The following CGNL1 variants were observed in gnomAD, a reference collection of about 807,000 sequenced individuals.
CGNL1 encodes the protein cingulin like 1.
CGNL1 carries 132 observed loss-of-function variants against 141.2 expected under a neutral mutation model. The ratio of observed to expected loss-of-function variants is 0.93; its 90% CI spans 0.81 to 1.08. The LOEUF is 1.08. Among genes scored for constraint, CGNL1 ranks in the 50% least tolerant of loss-of-function variants. The probability of loss-of-function intolerance (pLI) is 0.00; values close to 1 mark genes in which losing one functional copy is unlikely to be tolerated. For missense variants in CGNL1, 1,870 were observed against 1,588.6 expected, an observed-to-expected ratio of 1.18 and a Z score of -3.01; for synonymous variants, 690 against 622.1, an observed-to-expected ratio of 1.11 and a Z score of -1.63.
At position 57,452,161 on chromosome 15, in the gene CGNL1, A is replaced by T. The variant is rs1253874223; in HGVS notation, c.1926A>T (p.Glu642Asp). The change falls in exon 6 of 19, where the codon GAA (glutamate) becomes GAT (aspartate). Residue 642 changes from glutamate (E) to aspartate (D), a missense_variant. Glu to Asp is a conservative substitution (Grantham distance 45). Transcript: ENST00000281282. ...GTTAGAATCAACAGAACATTAAAGA[A>T]GAGAGAGAGAGGATGAGAGCAAACC... ...LEVKNQQNIK[E>D]ERERMRANLE... 6.9e-6 allele frequency: 11 copies of T among 1,583,702 alleles called. No homozygotes were observed. The highest frequency in any genetic ancestry group is 9.5e-6 in the Non-Finnish European group (11 of 1,160,730).
intron 1 of CGNL1, among the ~76,000 whole-genome samples, chr15:57,413,816 G>A (rs1309101272): frequency 4.6e-5 from 7 of 152,140 alleles, no homozygotes; most frequent in South Asian, 2.1e-4. Flanking sequence ...CATCGGGCAC[G>A]CTTGGCTGCC....
chr15:57,486,949 G>A (rs1486047497), intron 8 of CGNL1, among the ~76,000 whole-genome samples: 1 of 152,198 alleles, frequency 6.6e-6, no homozygotes, highest in African/African-American at 2.4e-5. Flanking sequence ...CACAATAATT[G>A]TAGACCTGGC....
chr15:57,524,617 C>T lies in CGNL1; in HGVS notation c.2905C>T (p.Leu969=), dbSNP rs1239053853. Residue 969 remains leucine, a synonymous_variant, in exon 12 of 19, where the codon CTG becomes TTG. Coordinates refer to ENST00000281282, the MANE Select transcript of CGNL1 (RefSeq NM_032866.5). ...TGTTGAGGCCTCCCGTACCTCAACC[C>T]TGGAGCTCCAGAACCAGCTGGATGA... The part of the protein sequence containing the change: ...DIVEASRTST[L]ELQNQLDEYK... 1.2e-6 allele frequency: 2 copies of T among 1,614,036 alleles called. No homozygotes were observed. The highest frequency in any genetic ancestry group is 3.3e-5 in the Admixed American group (2 of 60,012).
intron 1 of CGNL1, among the ~76,000 whole-genome samples, chr15:57,400,023 T>C (rs935941562): frequency 6.7e-6 from 1 of 149,090 alleles, no homozygotes; most frequent in African/African-American, 2.5e-5. Context: ...TAATGGGGTC[T>C]CACTGTGTCA....
chr15:57,428,395 A>G (rs1023159711), intron 1 of CGNL1, among the ~76,000 whole-genome samples: 3 of 152,216 alleles, frequency 2.0e-5, no homozygotes, highest in African/African-American at 7.2e-5. Context: ...ACACATCTCT[A>G]AAGTGGAGAG....
At chr15:57,449,984 G>T (rs528741324) in intron 4 of CGNL1, among the ~76,000 whole-genome samples, 2 of 152,258 alleles carry the variant, frequency 1.3e-5, no homozygotes, top group South Asian at 4.1e-4. Context: ...TTGCTTCCAA[G>T]TTTTGTTAGT....
At chr15:57,454,186 T>A (rs944764072) in intron 7 of CGNL1, among the ~76,000 whole-genome samples, 1 of 152,140 alleles carries the variant, frequency 6.6e-6, no homozygotes, top group African/African-American at 2.4e-5. Flanking sequence ...ATTTAGGTGT[T>A]TGATGTTTGC....
intron 13 of CGNL1, among the ~76,000 whole-genome samples, chr15:57,530,424 A>T (rs4774957): frequency 0.78 from 118,411 of 152,212 alleles, 46,675 homozygotes; most frequent in Non-Finnish European, 0.83. Flanking sequence ...AAGAGGCGGC[A>T]AGCAGGACCG....
intron 7 of CGNL1, among the ~76,000 whole-genome samples, chr15:57,457,793 C>A (rs534520526): frequency 6.6e-6 from 1 of 152,284 alleles, no homozygotes; most frequent in Admixed American, 6.5e-5. Flanking sequence ...TGGGCTCCTC[C>A]CTCAACATGA....
At position 57,499,238 on chromosome 15, in the gene CGNL1, CTTT is replaced by C. The variant is rs201081475; in HGVS notation, c.2404-17520_2404-17518del. ...GGAACTCATGAAATAAAGTTAATGGCTTTTTTTTTTTTTTTTTTTTTTTTGGAG... is the reference window on the plus strand; with the variant it reads ...GGAACTCATGAAATAAAGTTAATGGCTTTTTTTTTTTTTTTTTTTTTGGAG... On this transcript the variant is annotated intron_variant, in intron 8 of 18. Transcript: ENST00000281282. Among the ~76,000 whole-genome samples, 642 of 91,858 alleles carry C rather than the reference CTTT, an allele frequency of 7.0e-3. 4 individuals carry two copies. Among genetic ancestry groups the C allele is most frequent in the African/African-American group, 0.03 (608 of 20,172 alleles). 60.3% of individuals were successfully genotyped at this position (91,858 alleles called of 152,430 possible).
Position 57,546,012 on chromosome 15 carries a change from G to A in CGNL1, c.3610-64G>A, listed in dbSNP as rs1485508722. ...CTGGGGAGATGGTGGCTGGACCTGG[G>A]GTAAGCTGAGCGCTGGGGCTGGGCC... On this transcript the variant is annotated intron_variant, in intron 17 of 18. Coordinates refer to ENST00000281282, the MANE Select transcript of CGNL1 (RefSeq NM_032866.5). The A allele has an allele frequency of 7.1e-6, 11 of 1,553,654 alleles. No homozygotes were observed. The East Asian group carries it at 1.8e-4, about 25-fold the overall frequency.
intron 8 of CGNL1, among the ~76,000 whole-genome samples, chr15:57,511,311 C>G (rs1458139925): frequency 6.6e-6 from 1 of 152,298 alleles, no homozygotes; most frequent in African/African-American, 2.4e-5. Context: ...ATGCTTCTTC[C>G]TCACTTTCTT....
At chr15:57,458,542 G>A (rs2063407211) in intron 7 of CGNL1, among the ~76,000 whole-genome samples, 1 of 152,168 alleles carries the variant, frequency 6.6e-6, no homozygotes, top group African/African-American at 2.4e-5. Flanking sequence ...ACAAAACATA[G>A]AGATATGCTG....
chr15:57,510,880 C>T (rs984934120), intron 8 of CGNL1, among the ~76,000 whole-genome samples: 3 of 152,078 alleles, frequency 2.0e-5, no homozygotes, highest in African/African-American at 7.2e-5. Flanking sequence ...GGAGAGTTGG[C>T]GCTATGCTCT....
intron 1 of CGNL1, among the ~76,000 whole-genome samples, chr15:57,406,380 G>A (rs1276592940): frequency 6.6e-6 from 1 of 152,114 alleles, no homozygotes. Flanking sequence ...GGGAGTGAGG[G>A]TGGGGGTTCT....
At chr15:57,464,952 G>T (rs1204696022) in intron 8 of CGNL1, among the ~76,000 whole-genome samples, 1 of 151,794 alleles carries the variant, frequency 6.6e-6, no homozygotes, top group Non-Finnish European at 1.5e-5. Context: ...GGCTTTCGTC[G>T]TGTTGACCAG....
intron 8 of CGNL1, among the ~76,000 whole-genome samples, chr15:57,474,172 A>G (rs1478786846): frequency 6.6e-6 from 1 of 151,976 alleles, no homozygotes; most frequent in Non-Finnish European, 1.5e-5. Flanking sequence ...TGGTCTCCCA[A>G]AGTTCTGGGA....
At position 57,510,189 on chromosome 15, in the gene CGNL1, T is replaced by C. The variant is rs542925687; in HGVS notation, c.2404-6591T>C. On this transcript the variant is annotated intron_variant, in intron 8 of 18. Transcript: ENST00000281282. ...AAGTCCTTCCCTTTTGGGAAGCAGA[T>C]GTGAGTTTAGTGGACCTAACAGTAA... Among the ~76,000 whole-genome samples the C allele has an allele frequency of 4.0e-4, 61 of 152,302 alleles. 1 individual carries two copies. The highest frequency in any genetic ancestry group is 7.4e-4 in the Non-Finnish European group (50 of 68,014).
chr15:57,528,620 C>T (rs767373491), intron 12 of CGNL1, 34 bp from the exon 13 acceptor site: 1 of 1,610,644 alleles, frequency 6.2e-7, no homozygotes, highest in African/African-American at 1.3e-5. Context: ...CTTGATGCAC[C>T]CCAGAAAACC....
Sources: allele counts gnomAD v4.1 joint callset (sites outside exome capture counted in the v4.1 genomes callset), GRCh38; gene constraint gnomAD v4.1.1; transcripts MANE v1.5; gene names NCBI Gene and HGNC (gene_info 2026-07-23, HGNC 2026-07-21).